Variants in AKT3 observed in about 807,000 individuals in gnomAD.
The protein encoded by AKT3 is AKT serine/threonine kinase 3.
AKT3 carries 15 observed loss-of-function variants against 65.3 expected under a neutral mutation model. The observed-to-expected ratio is 0.23, with a 90% CI of 0.15 to 0.35. AKT3 has a LOEUF of 0.35. AKT3 is among the 10% of genes least tolerant of loss of function. The probability of loss-of-function intolerance (pLI) is 1.00; values close to 1 mark genes in which losing one functional copy is unlikely to be tolerated. For synonymous variants in AKT3, 206 were observed against 183.8 expected, an observed-to-expected ratio of 1.12 and a Z score of -0.98; for missense variants, 243 against 576.5, an observed-to-expected ratio of 0.42 and a Z score of 5.92.
chr1:243,691,656 C>T (rs909474510), intron 3 of AKT3, among the ~76,000 whole-genome samples: 1 of 152,120 alleles, frequency 6.6e-6, no homozygotes, highest in South Asian at 2.1e-4. Context: ...TTTGATCAGG[C>T]AGAGACAGAA....
chr1:243,812,894 TCA>T (rs1693260480), intron 2 of AKT3, among the ~76,000 whole-genome samples: 1 of 151,838 alleles, frequency 6.6e-6, no homozygotes, highest in Non-Finnish European at 1.5e-5. Flanking sequence ...CTGGAAACCA[TCA>T]TTCTCAGCAA....
intron 2 of AKT3, among the ~76,000 whole-genome samples, chr1:243,809,538 C>A (rs1692987502): frequency 6.6e-6 from 1 of 152,134 alleles, no homozygotes; most frequent in Non-Finnish European, 1.5e-5. Flanking sequence ...TAAAGCAAGA[C>A]CTTAGAGACC....
intron 2 of AKT3, among the ~76,000 whole-genome samples, chr1:243,754,576 G>A (rs1489064288): frequency 6.6e-6 from 1 of 152,176 alleles, no homozygotes; most frequent in Non-Finnish European, 1.5e-5. Context: ...AGCAGCAGGT[G>A]AGCGAGCATT....
At chr1:243,700,886 G>C (rs964130344) in intron 2 of AKT3, among the ~76,000 whole-genome samples, 3 of 152,086 alleles carry the variant, frequency 2.0e-5, no homozygotes, top group Admixed American at 6.6e-5. Context: ...GATCTGGATA[G>C]GATATTCAAA....
At chr1:243,810,748 C>T (rs1039900989) in intron 2 of AKT3, among the ~76,000 whole-genome samples, 21 of 152,184 alleles carry the variant, frequency 1.4e-4, no homozygotes, top group African/African-American at 5.1e-4. Context: ...AGACCAACAT[C>T]CCTGATGAAC....
intron 8 of AKT3, among the ~76,000 whole-genome samples, chr1:243,600,430 T>C (rs1676924693): frequency 6.6e-6 from 1 of 152,122 alleles, no homozygotes; most frequent in Non-Finnish European, 1.5e-5. Context: ...GTGTGTGGCA[T>C]AGTGAAGACA....
intron 2 of AKT3, among the ~76,000 whole-genome samples, chr1:243,834,291 T>C (rs1694744952): frequency 6.6e-6 from 1 of 152,116 alleles, no homozygotes; most frequent in African/African-American, 2.4e-5. Flanking sequence ...GACGAAAATG[T>C]GGTACATACA....
At chr1:243,669,180 G>A (rs1421122038) in intron 3 of AKT3, among the ~76,000 whole-genome samples, 1 of 152,086 alleles carries the variant, frequency 6.6e-6, no homozygotes, top group East Asian at 1.9e-4. Context: ...TAAATTTCCA[G>A]CCAGTAATTC....
At position 243,619,577 on chromosome 1, in the gene AKT3, A is replaced by G. The variant is rs369425244; in HGVS notation, c.562-4416T>C. On this transcript the variant is annotated intron_variant, in intron 6 of 13. Coordinates refer to ENST00000673466, the MANE Select transcript of AKT3 (RefSeq NM_005465.7). Reference sequence around the variant, plus strand: ...TGCAATCCCGTTTTTTAGCTCCCACATAAGAACAAAAATGTGCAATATTTG... The same window carrying G: ...TGCAATCCCGTTTTTTAGCTCCCACGTAAGAACAAAAATGTGCAATATTTG... 1.0e-4 allele frequency among the ~76,000 whole-genome samples: 10 copies of G among 98,892 alleles called. 2 individuals carry two copies. Among genetic ancestry groups the G allele is most frequent in the African/African-American group, 2.6e-4 (10 of 38,312 alleles). 64.9% of individuals were successfully genotyped at this position (98,892 alleles called of 152,430 possible). A position where few individuals can be genotyped will look rare whatever the true frequency, so the allele number is the denominator to read the frequency against.
chr1:243,735,187 G>A (rs1257674137), intron 2 of AKT3: 1 of 152,142 alleles, frequency 6.6e-6, no homozygotes, highest in Non-Finnish European at 1.5e-5. Context: ...ACATAAACCA[G>A]TAACACGGTC....
chr1:243,698,247 A>G (rs2148033265), intron 2 of AKT3, among the ~76,000 whole-genome samples: 1 of 152,260 alleles, frequency 6.6e-6, no homozygotes, highest in East Asian at 1.9e-4. Context: ...AGAGATTTAT[A>G]CTGGTACAAT....
At chr1:243,608,684 C>T (rs1374834042) in intron 8 of AKT3, among the ~76,000 whole-genome samples, 1 of 147,332 alleles carries the variant, frequency 6.8e-6, no homozygotes, top group Non-Finnish European at 1.5e-5. Flanking sequence ...TACTTTAAAC[C>T]TATTTCAAAA....
At chr1:243,510,189 G>C (rs981315824) in intron 13 of AKT3, among the ~76,000 whole-genome samples, 1 of 152,158 alleles carries the variant, frequency 6.6e-6, no homozygotes, top group African/African-American at 2.4e-5. Context: ...TATCTGCTTT[G>C]GATATTCAGA....
chr1:243,655,246 C>A (rs1264542191), intron 4 of AKT3, among the ~76,000 whole-genome samples: 2 of 152,000 alleles, frequency 1.3e-5, no homozygotes, highest in Non-Finnish European at 2.9e-5. Flanking sequence ...ACTCATAATT[C>A]CAAATGTTTT....
In AKT3 at chr1:243,502,792, G is replaced by A; in HGVS notation, c.*2457C>T. The A allele has an allele frequency of 1.3e-5, 3 of 233,338 alleles. No individual in the cohort carries two copies. The highest frequency in any genetic ancestry group is 2.5e-5 in the Non-Finnish European group (3 of 118,072). The allele number at this position is 233,338 out of a possible 1,614,324, so 14.5% of individuals were successfully genotyped here. On this transcript the variant is annotated 3_prime_UTR_variant, in exon 14 of 14. Transcript: ENST00000673466. Reference sequence around the variant, plus strand: ...ATGGCTGGGAACTGAGAGCCAGTGTGAGGAGTGGCCCGCCTGGGGCAATGT... The same window carrying A: ...ATGGCTGGGAACTGAGAGCCAGTGTAAGGAGTGGCCCGCCTGGGGCAATGT...
intron 2 of AKT3, among the ~76,000 whole-genome samples, chr1:243,706,171 A>G (rs960504294): frequency 5.9e-5 from 9 of 152,166 alleles, no homozygotes; most frequent in Non-Finnish European, 4.4e-5. Context: ...GTGGGCAATA[A>G]CCATTAATTC....
Position 243,850,180 on chromosome 1 carries a change from C to G in AKT3, c.-253G>C, listed in dbSNP as rs1695710093. On this transcript the variant is annotated 5_prime_UTR_variant, in exon 1 of 14. Transcript: ENST00000673466. ...CTCCTCCCCTCCTGTCCTCCCCCCA[C>G]CCCACAGAGCCTCTGGCCTCCTGGA... is the stretch of plus-strand genomic sequence containing the variant. The G allele has an allele frequency of 6.3e-6, 1 of 159,090 alleles. No individual in the cohort carries two copies. The highest frequency in any genetic ancestry group is 1.7e-4 in the South Asian group (1 of 5,842). The allele number at this position is 159,090 out of a possible 1,614,324, so 9.9% of individuals were successfully genotyped here.
At chr1:243,609,283 T>C (rs1271515639) in intron 8 of AKT3, among the ~76,000 whole-genome samples, 4 of 151,980 alleles carry the variant, frequency 2.6e-5, no homozygotes, top group Non-Finnish European at 5.9e-5. Flanking sequence ...GTTAAATATA[T>C]AAAATTCTAT....
chr1:243,614,699 C>G (rs1189775907), intron 7 of AKT3, among the ~76,000 whole-genome samples: 2 of 152,048 alleles, frequency 1.3e-5, no homozygotes, highest in African/African-American at 4.8e-5. Flanking sequence ...AGAAATGCTT[C>G]TGATCATTAA....
Sources: gnomAD v4.1 joint callset for allele counts (sites outside exome capture counted in the v4.1 genomes callset) on GRCh38, gnomAD v4.1.1 for gene constraint, MANE v1.5 for transcripts, NCBI Gene and HGNC (gene_info 2026-07-23, HGNC 2026-07-21) for gene names.